The following GAP43 variants were observed in gnomAD, a reference collection of about 807,000 sequenced individuals.
The protein encoded by GAP43 is neuromodulin.
In GAP43, 6 loss-of-function variants were observed where a neutral mutation model predicts 18.6. That is an observed-to-expected ratio of 0.32 (90% CI 0.18 to 0.64). The LOEUF (loss-of-function observed/expected upper bound fraction) is 0.64. Among genes scored for constraint, GAP43 ranks in the 30% least tolerant of loss-of-function variants. The pLI, the probability that GAP43 is intolerant of heterozygous loss-of-function variation, is 0.78. For synonymous variants in GAP43, 115 were observed against 111.4 expected, an observed-to-expected ratio of 1.03 and a Z score of -0.20; for missense variants, 292 against 295.5, an observed-to-expected ratio of 0.99 and a Z score of 0.09.
rs13313992 is a variant in GAP43, at chr3:115,644,190, T to C, written c.30+20471T>C. On this transcript the variant is annotated intron_variant, in intron 1 of 2. Coordinates refer to ENST00000305124, the MANE Select transcript of GAP43 (RefSeq NM_002045.4). The surrounding 1 kb of genome is among the most constrained non-coding windows in gnomAD (Gnocchi z 4.2). ...TAATTGTTTAAATATTTGGGGAGGA[T>C]TGTCCTGCTGTGGTAAATTTATACT... is the stretch of plus-strand genomic sequence containing the variant. Among the ~76,000 whole-genome samples, 7,762 of 152,172 alleles carry C rather than the reference T, an allele frequency of 0.051. 493 individuals carry two copies. The highest frequency in any genetic ancestry group is 0.14 in the African/African-American group (5,835 of 41,544).
At chr3:115,659,895 A>G (rs1708635973) in intron 1 of GAP43, among the ~76,000 whole-genome samples, 1 of 152,138 alleles carries the variant, frequency 6.6e-6, no homozygotes, top group Non-Finnish European at 1.5e-5. Flanking sequence ...ATTTATTTTT[A>G]GCAGCCCCCT....
rs1559808166 is a variant in GAP43 at position 115,713,175 on chromosome 3, TTA to T, written c.629-7617_629-7616del. Among the ~76,000 whole-genome samples the T allele has an allele frequency of 7.2e-5, 11 of 152,050 alleles. No homozygotes were observed. The East Asian group carries it at 2.1e-3, about 29-fold the overall frequency. On this transcript the variant is annotated intron_variant, in intron 2 of 2. Coordinates refer to ENST00000305124, the MANE Select transcript of GAP43 (RefSeq NM_002045.4). ...GTGAGTTAGCTGCCAAAGATTTTTA[TTA>T]TTATTATTATTACTTTCCTTTGAGC...
chr3:115,641,295 A>G (rs1708392142), intron 1 of GAP43, among the ~76,000 whole-genome samples: 1 of 151,594 alleles, frequency 6.6e-6, no homozygotes, highest in African/African-American at 2.4e-5. Flanking sequence ...GGCACTCACT[A>G]TAGTAACCTC....
At chr3:115,692,342 T>C (rs993185639) in intron 2 of GAP43, among the ~76,000 whole-genome samples, 2 of 152,224 alleles carry the variant, frequency 1.3e-5, no homozygotes, top group African/African-American at 4.8e-5. Flanking sequence ...AATTAATTTG[T>C]ACTTATTAAT....
chr3:115,625,091 G>A (rs1280822483), intron 1 of GAP43, among the ~76,000 whole-genome samples: 1 of 152,074 alleles, frequency 6.6e-6, no homozygotes, highest in African/African-American at 2.4e-5. Flanking sequence ...TGCCAGCTTA[G>A]CACATTTAGC....
At chr3:115,685,666 A>G (rs531841628) in intron 2 of GAP43, among the ~76,000 whole-genome samples, 1 of 152,216 alleles carries the variant, frequency 6.6e-6, no homozygotes. Context: ...TGTATTTGGT[A>G]AAAAGACAGA....
intron 2 of GAP43, among the ~76,000 whole-genome samples, chr3:115,715,047 T>C (rs1430249031): frequency 6.6e-6 from 1 of 152,142 alleles, no homozygotes; most frequent in Non-Finnish European, 1.5e-5. Context: ...CTGTTGTGTC[T>C]TTCATAAAGA....
intron 2 of GAP43, among the ~76,000 whole-genome samples, chr3:115,679,910 A>G (rs551421067): frequency 2.5e-4 from 38 of 152,254 alleles, no homozygotes; most frequent in African/African-American, 7.2e-4. Flanking sequence ...TTTTATTTTC[A>G]TGGTCTCAGT....
In GAP43 at chr3:115,676,393, A is replaced by T. The variant is rs113502150; in HGVS notation, c.411A>T (p.Ser137=). Residue 137 remains serine, a synonymous_variant, in exon 2 of 3, where the codon TCA becomes TCT. Transcript: ENST00000305124. ...CATCCTCAGAGGAGAAGGCCGGCTC[A>T]GCTGAGACAGAAAGTGCCACTAAAG... The part of the protein sequence containing the change: ...APASSEEKAG[S]AETESATKAS... 7 of 1,613,886 alleles carry T rather than the reference A, an allele frequency of 4.3e-6. No individual in the cohort carries two copies. Among genetic ancestry groups the T allele is most frequent in the African/African-American group, 1.3e-5 (1 of 74,938 alleles).
chr3:115,683,141 G>GCACACACACACACA (rs1472371618), intron 2 of GAP43, among the ~76,000 whole-genome samples: 1 of 121,322 alleles, frequency 8.2e-6, no homozygotes, highest in Non-Finnish European at 1.8e-5. Context: ...GCGTGCGCGC[G>GCACACACACACACA]CGCGCGCACA....
chr3:115,656,376 G>T (rs1052914936), intron 1 of GAP43, among the ~76,000 whole-genome samples: 4 of 152,056 alleles, frequency 2.6e-5, no homozygotes, highest in Admixed American at 2.0e-4. Flanking sequence ...CAGGTCTAAG[G>T]ACCATAGATG....
intron 1 of GAP43, among the ~76,000 whole-genome samples, chr3:115,673,276 CT>C (rs2107487881): frequency 1.3e-5 from 2 of 152,208 alleles, no homozygotes; most frequent in East Asian, 3.9e-4. Context: ...AGAGCCCTTT[CT>C]TTATCCTTGT....
intron 2 of GAP43, among the ~76,000 whole-genome samples, chr3:115,683,147 G>GCGTGCGCACA (rs1252333447): frequency 1.6e-5 from 2 of 127,396 alleles, no homozygotes; most frequent in Non-Finnish European, 3.3e-5. Flanking sequence ...GCGCGCGCGC[G>GCGTGCGCACA]CACACACACA....
At chr3:115,624,195 G>A (rs1048734096) in intron 1 of GAP43, among the ~76,000 whole-genome samples, 15 of 152,140 alleles carry the variant, frequency 9.9e-5, no homozygotes, top group Non-Finnish European at 2.2e-4. Flanking sequence ...CTTATTTCGT[G>A]CATGCATGAG....
intron 1 of GAP43, among the ~76,000 whole-genome samples, chr3:115,658,187 A>G (rs9845362): frequency 0.68 from 103,898 of 151,990 alleles, 35,750 homozygotes; most frequent in Admixed American, 0.75. Flanking sequence ...ACAAATCATC[A>G]GAGTTTAGAG....
intron 2 of GAP43, among the ~76,000 whole-genome samples, chr3:115,688,549 C>G (rs1323704301): frequency 6.6e-6 from 1 of 152,192 alleles, no homozygotes; most frequent in Middle Eastern, 3.2e-3. Flanking sequence ...TCTAAAAAAT[C>G]TGTCGCCTTT....
chr3:115,684,463 C>A (rs1576993583), intron 2 of GAP43, among the ~76,000 whole-genome samples: 1 of 152,098 alleles, frequency 6.6e-6, no homozygotes. Flanking sequence ...CTGTAGTATA[C>A]CCTTCTGCCA....
intron 1 of GAP43, among the ~76,000 whole-genome samples, chr3:115,624,231 G>C (rs1708154442): frequency 6.6e-6 from 1 of 152,106 alleles, no homozygotes; most frequent in Admixed American, 6.5e-5. Flanking sequence ...GGTATTTATG[G>C]AAAAACGTGC....
chr3:115,676,200 C>T lies in GAP43; in HGVS notation c.218C>T (p.Pro73Leu). 1 of 1,614,156 alleles carries T rather than the reference C, an allele frequency of 6.2e-7. No homozygotes were observed. Among genetic ancestry groups the T allele is most frequent in the Non-Finnish European group, 8.5e-7 (1 of 1,180,040 alleles). ...EAEANKKDEAPVADGVEKKGE... is the reference protein window; with the variant it reads ...EAEANKKDEALVADGVEKKGE... ...GAAGCTAATAAGAAGGATGAAGCCC[C>T]TGTTGCCGATGGGGTGGAGAAGAAG... Residue 73 changes from proline (P) to leucine (L), a missense_variant, in exon 2 of 3, where the codon CCT (proline) becomes CTT (leucine). Coordinates refer to ENST00000305124, the MANE Select transcript of GAP43 (RefSeq NM_002045.4).
Sources: gnomAD v4.1 joint callset for allele counts (sites outside exome capture counted in the v4.1 genomes callset) on GRCh38, gnomAD v4.1.1 for gene constraint, Gnocchi (gnomAD v3.1) non-coding constraint, MANE v1.5 for transcripts, NCBI Gene and HGNC (gene_info 2026-07-23, HGNC 2026-07-21) for gene names.